SAMD8: variants seen among roughly 807,000 people sequenced by gnomAD.
SAMD8 encodes sterile alpha motif domain containing 8.
In SAMD8, 20 loss-of-function variants were observed where a neutral mutation model predicts 42.0. The ratio of observed to expected loss-of-function variants is 0.48; its 90% confidence interval spans 0.34 to 0.69. SAMD8 has a LOEUF of 0.69. Ranked by LOEUF, SAMD8 falls within the 30% of genes least tolerant of loss-of-function variation. SAMD8 has a pLI of 0.01. For missense variants in SAMD8, 328 were observed against 511.6 expected (o/e 0.64, Z 3.46); for synonymous variants, 162 against 173.0 (o/e 0.94, Z 0.50).
chr10:75,124,166 T>C (rs1352763079), intron 1 of SAMD8, among the ~76,000 whole-genome samples: 1 of 152,180 alleles, frequency 6.6e-6, no homozygotes, highest in Non-Finnish European at 1.5e-5. Flanking sequence ...ACTGTGTTGT[T>C]CCTTGGGTCC....
intron 1 of SAMD8, among the ~76,000 whole-genome samples, chr10:75,142,564 G>GT (rs1840042175): frequency 6.6e-6 from 1 of 152,150 alleles, no homozygotes; most frequent in Admixed American, 6.5e-5. Context: ...AGCCTCCTGA[G>GT]TAGCTGGGAC....
chr10:75,111,841 G>A (rs942572068), intron 1 of SAMD8, 119 bp downstream of exon 1: 67 of 1,177,622 alleles, frequency 5.7e-5, no homozygotes, highest in Non-Finnish European at 6.7e-5. Flanking sequence ...GAGGGGCCCC[G>A]GGGAGACGGT....
At chr10:75,146,272 C>CTTTTTTTTTTTTT (rs202162176) in intron 1 of SAMD8, among the ~76,000 whole-genome samples, 1 of 68,124 alleles carries the variant, frequency 1.5e-5, no homozygotes, top group African/African-American at 6.9e-5. Context: ...TGTCTTGACA[C>CTTTTTTTTTTTTT]TTTTTTTTTT....
intron 1 of SAMD8, among the ~76,000 whole-genome samples, chr10:75,114,332 C>CAA (rs34696129): frequency 0.27 from 35,605 of 134,338 alleles, 4,987 homozygotes; most frequent in African/African-American, 0.39. Context: ...TGATATGTCT[C>CAA]AAAAAAAAAA....
chr10:75,103,955 T>C (rs1218973292), intron 1 of SAMD8: 4 of 1,325,644 alleles, frequency 3.0e-6, no homozygotes, highest in Non-Finnish European at 4.0e-6. Flanking sequence ...CCAGATGGAG[T>C]AGCAGGCTCT....
At chr10:75,113,435 AGT>A (rs1215513922) in intron 1 of SAMD8, among the ~76,000 whole-genome samples, 1 of 151,496 alleles carries the variant, frequency 6.6e-6, no homozygotes, top group Non-Finnish European at 1.5e-5. Context: ...CCCAGGCTTA[AGT>A]GATCCTCCCA....
At chr10:75,127,511 A>T (rs902566028) in intron 1 of SAMD8, among the ~76,000 whole-genome samples, 1 of 152,200 alleles carries the variant, frequency 6.6e-6, no homozygotes, top group Non-Finnish European at 1.5e-5. Context: ...ATTTGGGCAT[A>T]TAAGTCAAAC....
At position 75,124,223 on chromosome 10, in the gene SAMD8, C is replaced by CT. The variant is rs1309952333; in HGVS notation, c.-16+12503dup. Among the ~76,000 whole-genome samples, 3 of 152,192 alleles carry CT rather than the reference C, an allele frequency of 2.0e-5. No individual in the cohort carries two copies. The East Asian group carries it at 5.8e-4, about 29-fold the overall frequency. On this transcript the variant is annotated intron_variant, in intron 1 of 5. Coordinates refer to ENST00000542569, the MANE Select transcript of SAMD8 (RefSeq NM_001174156.2). ...CTTCCTCTTCATTTCTCAGAGTCTT[C>CT]TTATGTTTATTTTATATATAATGTC... is the stretch of plus-strand genomic sequence containing the variant.
intron 1 of SAMD8, chr10:75,150,279 A>AT (rs34826271): frequency 5.9e-3 from 785 of 134,110 alleles, no homozygotes; most frequent in South Asian, 0.014. Flanking sequence ...CCAGGCTAAA[A>AT]TTTTTTTTTT....
chr10:75,110,798 T>TC (rs1351082192), upstream of SAMD8, among the ~76,000 whole-genome samples: 1 of 151,986 alleles, frequency 6.6e-6, no homozygotes, highest in African/African-American at 2.4e-5. Context: ...TGCTATAGGA[T>TC]CCCCCTTGCA....
chr10:75,116,317 G>T (rs560012818), intron 1 of SAMD8, among the ~76,000 whole-genome samples: 1 of 152,148 alleles, frequency 6.6e-6, no homozygotes, highest in South Asian at 2.1e-4. Context: ...TGTTGACCAG[G>T]CTGGTTTAGA....
chr10:75,168,054 T>C (rs527360478), intron 3 of SAMD8, among the ~76,000 whole-genome samples: 1 of 152,180 alleles, frequency 6.6e-6, no homozygotes, highest in South Asian at 2.1e-4. Context: ...TGGAGTGCAA[T>C]GGCGCAGTCT....
At chr10:75,157,555 C>T (rs1185238395) in intron 2 of SAMD8, among the ~76,000 whole-genome samples, 1 of 152,042 alleles carries the variant, frequency 6.6e-6, no homozygotes, top group Non-Finnish European at 1.5e-5. Flanking sequence ...TTTATTTTCT[C>T]TGTTTAAAGA....
upstream of SAMD8, chr10:75,111,423 T>C (rs971523873): frequency 5.1e-6 from 5 of 985,948 alleles, no homozygotes; most frequent in Non-Finnish European, 6.5e-6. Flanking sequence ...CCTCGCGTCT[T>C]TTCCAGTGTG....
At chr10:75,108,971 G>A (rs200305605), upstream of SAMD8, 14 of 1,559,150 alleles carry the variant, frequency 9.0e-6, no homozygotes, top group Admixed American at 3.7e-5. Context: ...GCCTCTCCAC[G>A]TCCCCACCCC....
intron 1 of SAMD8, among the ~76,000 whole-genome samples, chr10:75,126,255 A>G (rs1183337239): frequency 6.6e-6 from 1 of 152,074 alleles, no homozygotes; most frequent in Non-Finnish European, 1.5e-5. Context: ...CTCTTTTCCA[A>G]CTCCTTTAAC....
intron 3 of SAMD8, among the ~76,000 whole-genome samples, chr10:75,166,815 A>T (rs1840692555): frequency 6.6e-6 from 1 of 152,262 alleles, no homozygotes; most frequent in African/African-American, 2.4e-5. Flanking sequence ...TGGTAGGTTT[A>T]ACAAAGCATA....
upstream of SAMD8, chr10:75,109,153 G>A (rs1195297270): frequency 6.9e-6 from 11 of 1,586,934 alleles, no homozygotes; most frequent in Admixed American, 1.9e-4. Flanking sequence ...AGAGGTCTCA[G>A]CCATGGGCCA....
chr10:75,126,003 T>C (rs1426575040), intron 1 of SAMD8: 1 of 152,248 alleles, frequency 6.6e-6, no homozygotes, highest in East Asian at 1.9e-4. Context: ...TTTATCTTGT[T>C]ATTCCCCTGT....
Sources: gnomAD v4.1 joint callset for allele counts (sites outside exome capture counted in the v4.1 genomes callset) on GRCh38, gnomAD v4.1.1 for gene constraint, MANE v1.5 for transcripts, NCBI Gene and HGNC (gene_info 2026-07-23, HGNC 2026-07-21) for gene names.